The following SYN3 variants were observed in gnomAD, a reference collection of about 807,000 sequenced individuals.
The protein encoded by SYN3 is synapsin III.
In SYN3, 35 loss-of-function variants were observed where a neutral mutation model predicts 65.8. The observed-to-expected ratio is 0.53, with a 90% CI of 0.41 to 0.70. The LOEUF is 0.70. Ranked by LOEUF, SYN3 falls within the 30% of genes least tolerant of loss-of-function variation. The pLI is 0.00. For missense variants in SYN3, 680 were observed against 749.0 expected (o/e 0.91, Z 1.08); for synonymous variants, 270 against 292.9 (o/e 0.92, Z 0.80).
chr22:32,984,057 G>A (rs1032527416), intron 2 of SYN3, among the ~76,000 whole-genome samples: 1 of 150,910 alleles, frequency 6.6e-6, no homozygotes, highest in African/African-American at 2.4e-5. Context: ...TGAGGCAGGA[G>A]AGGCTGAGGC....
intron 6 of SYN3, among the ~76,000 whole-genome samples, chr22:32,726,744 A>G (rs1221405956): frequency 6.6e-6 from 1 of 152,216 alleles, no homozygotes; most frequent in East Asian, 1.9e-4. Context: ...CTCAAAGGCC[A>G]GGAGGGCATT....
chr22:32,973,160 T>A (rs2052073502), intron 3 of SYN3, among the ~76,000 whole-genome samples: 2 of 152,238 alleles, frequency 1.3e-5, no homozygotes, highest in Admixed American at 1.3e-4. Context: ...TTGTAATCAA[T>A]CCTCCTTGTT....
intron 6 of SYN3, among the ~76,000 whole-genome samples, chr22:32,738,588 C>T (rs1010917751): frequency 6.6e-6 from 1 of 152,164 alleles, no homozygotes; most frequent in Admixed American, 6.5e-5. Context: ...GAATGACATC[C>T]TGGGCTCCCA....
intron 6 of SYN3, among the ~76,000 whole-genome samples, chr22:32,622,768 T>C (rs2059613473): frequency 6.8e-6 from 1 of 147,704 alleles, no homozygotes; most frequent in Admixed American, 6.7e-5. Context: ...TAGTGAGGAA[T>C]TGGATTTTTG....
chr22:32,651,760 A>C (rs1451657158), intron 6 of SYN3, among the ~76,000 whole-genome samples: 1 of 152,134 alleles, frequency 6.6e-6, no homozygotes, highest in Non-Finnish European at 1.5e-5. Context: ...CTCTGGGTTG[A>C]TCCCTCAGAT....
intron 5 of SYN3, among the ~76,000 whole-genome samples, chr22:32,868,573 TGGGATTACAGC>T (rs2048753475): frequency 6.6e-6 from 1 of 151,858 alleles, no homozygotes; most frequent in Non-Finnish European, 1.5e-5. Flanking sequence ...CCCGAGTAGC[TGGGATTACAGC>T]GGGATTACAG....
chr22:32,664,066 C>T (rs973146146), intron 6 of SYN3, among the ~76,000 whole-genome samples: 20 of 152,302 alleles, frequency 1.3e-4, no homozygotes, highest in Admixed American at 1.2e-3. Flanking sequence ...CCCTGCTCTG[C>T]TCACCACCCA....
chr22:32,859,481 G>C, intron 6 of SYN3: 1 of 1,368,168 alleles, frequency 7.3e-7, no homozygotes, highest in Non-Finnish European at 9.9e-7. Flanking sequence ...CTGTTTTCTT[G>C]CAAATTTAGC....
chr22:32,741,249 A>G (rs1422769251), intron 6 of SYN3, among the ~76,000 whole-genome samples: 2 of 150,780 alleles, frequency 1.3e-5, no homozygotes, highest in African/African-American at 4.9e-5. Context: ...TATTATCTTT[A>G]TTTTACAGAC....
At chr22:32,888,636 A>C (rs1030448230) in intron 4 of SYN3, among the ~76,000 whole-genome samples, 1 of 152,210 alleles carries the variant, frequency 6.6e-6, no homozygotes, top group Admixed American at 6.5e-5. Flanking sequence ...GTGAAGCAGG[A>C]ATGCAAGACG....
At chr22:32,828,570 G>C (rs2047480670) in intron 6 of SYN3, among the ~76,000 whole-genome samples, 4 of 152,324 alleles carry the variant, frequency 2.6e-5, no homozygotes, top group Middle Eastern at 3.4e-3. Context: ...TAGACTTTAA[G>C]GGCCTTTATT....
intron 6 of SYN3, among the ~76,000 whole-genome samples, chr22:32,820,393 G>A (rs1037051697): frequency 6.6e-6 from 1 of 150,854 alleles, no homozygotes; most frequent in African/African-American, 2.4e-5. Context: ...GTTCTACTCC[G>A]TGTGTGTGTC....
chr22:32,940,110 TACTG>T (rs1251553548), intron 3 of SYN3, among the ~76,000 whole-genome samples: 1 of 152,236 alleles, frequency 6.6e-6, no homozygotes, highest in Non-Finnish European at 1.5e-5. Context: ...TGATTAATGA[TACTG>T]ACCACTTTTT....
At chr22:33,016,512 T>G (rs1482722580) in intron 1 of SYN3, among the ~76,000 whole-genome samples, 2 of 152,226 alleles carry the variant, frequency 1.3e-5, no homozygotes, top group Admixed American at 1.3e-4. Context: ...AAATTTACAT[T>G]CCCACTCATG....
chr22:33,006,775 G>T lies in SYN3; in HGVS notation c.-113C>A. On this transcript the variant is annotated 5_prime_UTR_variant, in exon 2 of 14. The change creates a new upstream start codon in the 5' untranslated region. Transcript: ENST00000358763. Reference sequence around the variant, plus strand: ...GGTAGGACTTTAGCCAGAAGAGCCAGGGGGATTTTGCGCAACCAGCAGTCA... The same window carrying T: ...GGTAGGACTTTAGCCAGAAGAGCCATGGGGATTTTGCGCAACCAGCAGTCA... 8.9e-7 allele frequency: 1 copy of T among 1,121,968 alleles called. No homozygotes were observed. Among genetic ancestry groups the T allele is most frequent in the East Asian group, 2.4e-5 (1 of 41,126 alleles). The allele number at this position is 1,121,968 out of a possible 1,614,324, so 69.5% of individuals were successfully genotyped here. A position where few individuals can be genotyped will look rare whatever the true frequency, so the allele number is the denominator to read the frequency against.
chr22:32,982,451 C>G (rs1471747985), intron 2 of SYN3, among the ~76,000 whole-genome samples: 1 of 152,204 alleles, frequency 6.6e-6, no homozygotes, highest in East Asian at 1.9e-4. Flanking sequence ...CATCCCTACA[C>G]TCACTGATTC....
At chr22:32,774,635 C>T (rs958620296) in intron 6 of SYN3, among the ~76,000 whole-genome samples, 2 of 152,106 alleles carry the variant, frequency 1.3e-5, no homozygotes, top group African/African-American at 2.4e-5. Flanking sequence ...TTTTCTTGCC[C>T]AGGCTGGAGT....
chr22:32,660,400 A>T (rs2060200249), intron 6 of SYN3, among the ~76,000 whole-genome samples: 2 of 151,816 alleles, frequency 1.3e-5, no homozygotes, highest in South Asian at 4.1e-4. Context: ...TGCGAAATGG[A>T]CACGGCTCCG....
chr22:32,601,479 G>T (rs1282416006), intron 6 of SYN3, among the ~76,000 whole-genome samples: 1 of 152,146 alleles, frequency 6.6e-6, no homozygotes, highest in Non-Finnish European at 1.5e-5. Flanking sequence ...GGGTTTCACC[G>T]TGTTAGCCAG....
Sources: gnomAD v4.1 joint callset for allele counts (sites outside exome capture counted in the v4.1 genomes callset) on GRCh38, gnomAD v4.1.1 for gene constraint, MANE v1.5 for transcripts, NCBI Gene and HGNC (gene_info 2026-07-23, HGNC 2026-07-21) for gene names.